MAFK: variants seen among roughly 807,000 people sequenced by gnomAD.
The protein encoded by MAFK is MAF bZIP transcription factor K, also known as transcription factor MafK.
A neutral mutation model predicts 9.2 loss-of-function variants in MAFK; 1 was observed. The ratio of observed to expected loss-of-function variants is 0.11; its 90% CI spans 0.04 to 0.52. The LOEUF (loss-of-function observed/expected upper bound fraction) is 0.52. Among genes scored for constraint, MAFK ranks in the 20% least tolerant of loss-of-function variants. The probability of loss-of-function intolerance (pLI) is 0.94; values close to 1 mark genes in which losing one functional copy is unlikely to be tolerated. For synonymous variants in MAFK, 110 were observed against 107.4 expected (o/e 1.02, Z -0.15); for missense variants, 207 against 236.0 (o/e 0.88, Z 0.81).
chr7:1,531,767 G>A (rs887319375), intron 1 of MAFK, among the ~76,000 whole-genome samples: 4 of 152,012 alleles, frequency 2.6e-5, no homozygotes, highest in Non-Finnish European at 4.4e-5. Flanking sequence ...CCAGGACCCC[G>A]CCTGGCCTTG....
intron 1 of MAFK, among the ~76,000 whole-genome samples, chr7:1,537,171 G>A (rs529362648): frequency 6.6e-6 from 1 of 152,302 alleles, no homozygotes; most frequent in South Asian, 2.1e-4. Context: ...GCTGAACTCT[G>A]CCCCTGGCAT....
At chr7:1,538,478 G>C in intron 1 of MAFK, 2 of 870,734 alleles carry the variant, frequency 2.3e-6, no homozygotes, top group Non-Finnish European at 2.8e-6. Flanking sequence ...CGTGGCCTGT[G>C]GGGAGGGCGG....
At chr7:1,536,885 C>T (rs992635721) in intron 1 of MAFK, among the ~76,000 whole-genome samples, 1 of 152,194 alleles carries the variant, frequency 6.6e-6, no homozygotes. Flanking sequence ...AGAGTCGTGA[C>T]CTGCCCAAGG....
chr7:1,536,340 C>T (rs1035327807), intron 1 of MAFK, among the ~76,000 whole-genome samples: 4 of 152,134 alleles, frequency 2.6e-5, no homozygotes, highest in Admixed American at 6.5e-5. Context: ...AGACACAATG[C>T]GAGGACGTCG....
chr7:1,533,416 G>A lies in MAFK; in HGVS notation c.-45+2518G>A, dbSNP rs1466094814. 2.0e-5 allele frequency among the ~76,000 whole-genome samples: 3 copies of A among 152,228 alleles called. No homozygotes were observed. In the East Asian group the frequency reaches 5.8e-4, roughly 29 times the overall value. The stretch of plus-strand genomic sequence containing the variant: ...CCAGAAGGATCTAGAACCAGGCCTT[G>A]GTAGAGGGTGCTTGCCTACGCGAGG... On this transcript the variant is annotated intron_variant, in intron 1 of 2. Coordinates refer to ENST00000343242, the MANE Select transcript of MAFK (RefSeq NM_002360.4).
In MAFK at chr7:1,540,040, A is replaced by G; in HGVS notation, c.136A>G (p.Lys46Glu). 1 of 1,559,442 alleles carries G rather than the reference A, an allele frequency of 6.4e-7. No individual in the cohort carries two copies. The change falls in exon 3 of 3, where the codon AAG becomes GAG. Residue 46 changes from lysine to glutamate, a missense_variant. Transcript: ENST00000343242. ...ELNQHLRGLTKEEVTRLKQRR... is the reference protein window; with the variant it reads ...ELNQHLRGLTEEEVTRLKQRR... ...GAACCAGCACCTGCGGGGTCTCACC[A>G]AGGAGGAGGTGACCCGCCTGAAGCA...
chr7:1,540,271 C>T lies in MAFK; in HGVS notation c.367C>T (p.Arg123Trp), dbSNP rs755905092. Residue 123 changes from arginine to tryptophan, a missense_variant, in exon 3 of 3, where the codon CGG (arginine) becomes TGG (tryptophan). Physicochemically the swap from Arg to Trp is moderately radical, Grantham distance 101. Coordinates refer to ENST00000343242, the MANE Select transcript of MAFK (RefSeq NM_002360.4). ...GCAGACCTTCGCGCGCACCGTGGCC[C>T]GGGGACCTGTGGCGCCCTCCAAGGT... ...ALQTFARTVA[R>W]GPVAPSKVAT... 26 of 1,611,310 alleles carry T rather than the reference C, an allele frequency of 1.6e-5. No individual in the cohort carries two copies. The East Asian group carries it at 2.7e-4, about 17-fold the overall frequency.
rs768259709 is a variant in MAFK, at chr7:1,540,226, C to T, written c.322C>T (p.Arg108Cys). The change falls in exon 3 of 3, where the codon CGC becomes TGC. Residue 108 changes from arginine to cysteine, a missense_variant. Coordinates refer to ENST00000343242, the MANE Select transcript of MAFK (RefSeq NM_002360.4). ...SSMRLELDAL[R>C]SKYEALQTFA... ...CATGCGGCTGGAGCTGGACGCCCTGCGCTCCAAGTACGAGGCGCTGCAGAC... is the reference window on the plus strand; with the variant it reads ...CATGCGGCTGGAGCTGGACGCCCTGTGCTCCAAGTACGAGGCGCTGCAGAC... 6.2e-7 allele frequency: 1 copy of T among 1,602,258 alleles called. No individual in the cohort carries two copies. The highest frequency in any genetic ancestry group is 8.5e-7 in the Non-Finnish European group (1 of 1,175,464).
chr7:1,537,091 C>G (rs1024125686), intron 1 of MAFK, among the ~76,000 whole-genome samples: 1 of 152,260 alleles, frequency 6.6e-6, no homozygotes, highest in Non-Finnish European at 1.5e-5. Context: ...TGGGGCGCCC[C>G]CGGCTACCGT....
rs548495396 is a variant in MAFK at position 1,535,880 on chromosome 7, C to T, written c.-44-3269C>T. ...CCTCAGTCTGGATCCTGGAAAGGGG[C>T]GCCCGGCGTCCTGGCTCCGTCACTC... On this transcript the variant is annotated intron_variant, in intron 1 of 2. Transcript: ENST00000343242. Among the ~76,000 whole-genome samples, 23 of 152,340 alleles carry T rather than the reference C, an allele frequency of 1.5e-4. No homozygotes were observed. The South Asian group carries it at 2.9e-3, about 19-fold the overall frequency.
Position 1,534,068 on chromosome 7 carries a change from C to T in MAFK, c.-45+3170C>T, listed in dbSNP as rs2128550972. On this transcript the variant is annotated intron_variant, in intron 1 of 2. Coordinates refer to ENST00000343242, the MANE Select transcript of MAFK (RefSeq NM_002360.4). This position sits in a 1 kb window ranked among gnomAD's most constrained non-coding sequence, Gnocchi z 4.3. ...TGCAAATGCAAGGTGACCAGACGTC[C>T]TCCAAGCCGGGCCGACAGTCATGGC... The T allele has an allele frequency of 2.7e-6, 1 of 366,826 alleles. No homozygotes were observed. Among genetic ancestry groups the T allele is most frequent in the African/African-American group, 2.1e-5 (1 of 47,506 alleles). The allele number at this position is 366,826 out of a possible 1,614,324, so 22.7% of individuals were successfully genotyped here. A position where few individuals can be genotyped will look rare whatever the true frequency, so the allele number is the denominator to read the frequency against.
At chr7:1,531,219 G>C (rs1386454663) in intron 1 of MAFK, among the ~76,000 whole-genome samples, 2 of 149,958 alleles carry the variant, frequency 1.3e-5, no homozygotes, top group African/African-American at 4.9e-5. Context: ...GATCCACGCG[G>C]GTCGGCGGCG....
At chr7:1,537,273 C>A in intron 1 of MAFK, 1 of 584,820 alleles carries the variant, frequency 1.7e-6, no homozygotes. Flanking sequence ...CCACGGCGGG[C>A]AGTGGGCCCG....
At chr7:1,539,867 T>C in intron 2 of MAFK, 74 bp from the exon 3 acceptor site, 2 of 1,327,252 alleles carry the variant, frequency 1.5e-6, no homozygotes, top group Non-Finnish European at 2.0e-6. Flanking sequence ...GCTGGGTTCC[T>C]GGCCACCCCA....
rs571930804 is a variant in MAFK, at chr7:1,542,589, C to G, written c.*2214C>G. On this transcript the variant is annotated 3_prime_UTR_variant, in exon 3 of 3. Coordinates refer to ENST00000343242, the MANE Select transcript of MAFK (RefSeq NM_002360.4). ...GGGTGGACGGAGCCGCTGTCACCGC[C>G]CAGAGCTGGGCCGGGGAAGCACGGT... 1 of 152,292 alleles carries G rather than the reference C, an allele frequency of 6.6e-6. No individual in the cohort carries two copies. Among genetic ancestry groups the G allele is most frequent in the Non-Finnish European group, 1.5e-5 (1 of 68,050 alleles). 9.4% of individuals were successfully genotyped at this position (152,292 alleles called of 1,614,324 possible).
At position 1,534,681 on chromosome 7, in the gene MAFK, C is replaced by T. The variant is rs760175298; in HGVS notation, c.-45+3783C>T. 1 of 455,534 alleles carries T rather than the reference C, an allele frequency of 2.2e-6. No homozygotes were observed. Among genetic ancestry groups the T allele is most frequent in the South Asian group, 1.5e-5 (1 of 64,524 alleles). The allele number at this position is 455,534 out of a possible 1,614,324, so 28.2% of individuals were successfully genotyped here. Reference sequence around the variant, plus strand: ...TGGCTGGGCAGCTGAGGGGGTGGGGCATGGAGTCTGTGTCATCATTCACCC... The same window carrying T: ...TGGCTGGGCAGCTGAGGGGGTGGGGTATGGAGTCTGTGTCATCATTCACCC... On this transcript the variant is annotated intron_variant, in intron 1 of 2. Coordinates refer to ENST00000343242, the MANE Select transcript of MAFK (RefSeq NM_002360.4). The surrounding 1 kb of genome is among the most constrained non-coding windows in gnomAD (Gnocchi z 4.3).
At chr7:1,536,494 C>T (rs1412367965) in intron 1 of MAFK, among the ~76,000 whole-genome samples, 2 of 152,174 alleles carry the variant, frequency 1.3e-5, no homozygotes, top group South Asian at 4.1e-4. Flanking sequence ...CCTAAGGCTG[C>T]GTCTCTGGCC....
Position 1,540,307 on chromosome 7 carries a change from A to T in MAFK, c.403A>T (p.Ser135Cys). The T allele has an allele frequency of 6.2e-7, 1 of 1,611,478 alleles. No individual in the cohort carries two copies. The highest frequency in any genetic ancestry group is 1.1e-5 in the South Asian group (1 of 90,952). Reference sequence around the variant, plus strand: ...GGCGCCCTCCAAGGTGGCCACCACCAGCGTCATCACCATCGTCAAGTCCAC... The same window carrying T: ...GGCGCCCTCCAAGGTGGCCACCACCTGCGTCATCACCATCGTCAAGTCCAC... Reference protein sequence around the residue: ...PVAPSKVATTSVITIVKSTEL... With the variant: ...PVAPSKVATTCVITIVKSTEL... The change falls in exon 3 of 3, where the codon AGC (serine) becomes TGC (cysteine). Residue 135 changes from serine (S) to cysteine (C), a missense_variant. Physicochemically the swap from Ser to Cys is moderately radical, Grantham distance 112. Transcript: ENST00000343242.
At chr7:1,531,463 C>T (rs1783903355) in intron 1 of MAFK, among the ~76,000 whole-genome samples, 1 of 152,192 alleles carries the variant, frequency 6.6e-6, no homozygotes, top group Non-Finnish European at 1.5e-5. Flanking sequence ...CGGGTCTCCC[C>T]ACAGGCGGGA....
Sources: allele counts gnomAD v4.1 joint callset (sites outside exome capture counted in the v4.1 genomes callset), GRCh38; gene constraint gnomAD v4.1.1; non-coding constraint Gnocchi (gnomAD v3.1); transcripts MANE v1.5; gene names NCBI Gene and HGNC (gene_info 2026-07-23, HGNC 2026-07-21).